The following ELMO1 variants were observed in gnomAD, a reference collection of about 807,000 sequenced individuals.
The protein encoded by ELMO1 is engulfment and cell motility protein 1.
In ELMO1, 26 loss-of-function variants were observed where a neutral mutation model predicts 98.9. That is an observed-to-expected ratio of 0.26 (90% CI 0.19 to 0.36). The LOEUF (loss-of-function observed/expected upper bound fraction) is 0.36, where lower values mean the gene tolerates loss of function less well. Ranked by LOEUF, ELMO1 falls within the 10% of genes least tolerant of loss-of-function variation. The probability of loss-of-function intolerance (pLI) is 1.00; values close to 1 mark genes in which losing one functional copy is unlikely to be tolerated. For missense variants in ELMO1, 627 were observed against 935.2 expected (o/e 0.67, Z 4.30); for synonymous variants, 346 against 346.0 (o/e 1.00, Z 0.00).
At chr7:37,049,777 CTTT>C (rs34896674) in intron 15 of ELMO1, among the ~76,000 whole-genome samples, 8 of 131,044 alleles carry the variant, frequency 6.1e-5, no homozygotes, top group African/African-American at 8.4e-5. Context: ...TGTTTTGTTT[CTTT>C]TTTTTTTTTT....
intron 2 of ELMO1, among the ~76,000 whole-genome samples, chr7:37,318,657 A>C (rs1799329809): frequency 6.6e-6 from 1 of 152,234 alleles, no homozygotes; most frequent in Non-Finnish European, 1.5e-5. Flanking sequence ...ACAAAGATGA[A>C]AGAAAAACTA....
intron 1 of ELMO1, among the ~76,000 whole-genome samples, chr7:37,418,673 G>T (rs371590409): frequency 1.3e-4 from 20 of 152,294 alleles, no homozygotes; most frequent in African/African-American, 4.8e-4. Flanking sequence ...TCGGTCAGAT[G>T]CTGACCTGCA....
At chr7:37,249,032 T>A (rs141587867) in intron 6 of ELMO1, among the ~76,000 whole-genome samples, 1 of 152,290 alleles carries the variant, frequency 6.6e-6, no homozygotes, top group East Asian at 1.9e-4. Context: ...GTGTGAGGAG[T>A]ATGGTTCAGC....
intron 4 of ELMO1, among the ~76,000 whole-genome samples, chr7:37,292,476 T>C (rs80252205): frequency 0.69 from 26,229 of 38,250 alleles, 10,919 homozygotes; most frequent in Non-Finnish European, 0.96. Context: ...CGTCTCTGCC[T>C]GGCCGCCATC....
rs751378609 is a variant in ELMO1 at position 37,233,096 on chromosome 7, T to C, written c.548A>G (p.Lys183Arg). The C allele has an allele frequency of 4.3e-6, 7 of 1,612,884 alleles. No individual in the cohort carries two copies. The highest frequency in any genetic ancestry group is 5.9e-6 in the Non-Finnish European group (7 of 1,179,548). The change falls in exon 8 of 22, where the codon AAG becomes AGG. Residue 183 changes from lysine to arginine, a missense_variant and splice_region_variant. Lys to Arg is a conservative substitution (Grantham distance 26, BLOSUM62 2). Coordinates refer to ENST00000310758, the MANE Select transcript of ELMO1 (RefSeq NM_014800.11). ...CTAAAGAGGCAGAGTCCACCTTACC[T>C]TCTTAATGAACGCCACCGAAAATGT... ...WDTFSVAFIK[K>R]IASFVNKSAI...
At chr7:37,432,973 G>C (rs980706911) in intron 1 of ELMO1, among the ~76,000 whole-genome samples, 1 of 152,198 alleles carries the variant, frequency 6.6e-6, no homozygotes, top group Non-Finnish European at 1.5e-5. Context: ...CTTCTGTAAT[G>C]TTCGTTATAT....
intron 4 of ELMO1, among the ~76,000 whole-genome samples, chr7:37,284,085 G>A (rs936041483): frequency 6.6e-6 from 1 of 152,136 alleles, no homozygotes; most frequent in African/African-American, 2.4e-5. Context: ...GGAGGACAAT[G>A]AGGAGTTAGG....
At chr7:37,154,114 C>A (rs964164227) in intron 13 of ELMO1, among the ~76,000 whole-genome samples, 3 of 152,168 alleles carry the variant, frequency 2.0e-5, no homozygotes, top group Non-Finnish European at 4.4e-5. Context: ...GGAATAGCAT[C>A]AACATCAACA....
intron 16 of ELMO1, among the ~76,000 whole-genome samples, chr7:36,980,792 G>A (rs1790983839): frequency 6.6e-6 from 1 of 152,150 alleles, no homozygotes; most frequent in South Asian, 2.1e-4. Context: ...ATGACTGAGA[G>A]TATTAGGCCT....
chr7:37,071,965 C>G (rs1797296183), intron 15 of ELMO1, among the ~76,000 whole-genome samples: 1 of 152,114 alleles, frequency 6.6e-6, no homozygotes, highest in African/African-American at 2.4e-5. Context: ...TTCAGGAGAG[C>G]TCTTCAGCTG....
At chr7:37,410,799 G>GA (rs958957022) in intron 1 of ELMO1, among the ~76,000 whole-genome samples, 26 of 152,274 alleles carry the variant, frequency 1.7e-4, no homozygotes, top group Admixed American at 5.9e-4. Context: ...TCCTGTTGGA[G>GA]AAAAAAACTG....
At position 37,342,746 on chromosome 7, in the gene ELMO1, G is replaced by T; in HGVS notation, c.-56C>A. ...GGAATGAGGATCCTACAGCGTAAAC[G>T]GCCACACGTGTCTATACCTAATGAG... is the stretch of plus-strand genomic sequence containing the variant. On this transcript the variant is annotated 5_prime_UTR_variant, in exon 2 of 22. Transcript: ENST00000310758. This position sits in a 1 kb window ranked among gnomAD's most constrained non-coding sequence, Gnocchi z 4.3. 6.8e-7 allele frequency: 1 copy of T among 1,464,698 alleles called. No homozygotes were observed. The highest frequency in any genetic ancestry group is 9.4e-7 in the Non-Finnish European group (1 of 1,066,426). The allele number at this position is 1,464,698 out of a possible 1,614,324, so 90.7% of individuals were successfully genotyped here. A position where few individuals can be genotyped will look rare whatever the true frequency, so the allele number is the denominator to read the frequency against.
chr7:37,051,227 G>A (rs936493654), intron 15 of ELMO1, among the ~76,000 whole-genome samples: 1 of 152,202 alleles, frequency 6.6e-6, no homozygotes, highest in African/African-American at 2.4e-5. Context: ...GGCCTCTTAT[G>A]CATGTTGGGT....
chr7:36,965,820 A>G (rs978433214), intron 16 of ELMO1, among the ~76,000 whole-genome samples: 1 of 152,200 alleles, frequency 6.6e-6, no homozygotes, highest in South Asian at 2.1e-4. Context: ...GCTTGGAAGC[A>G]TCACATCCGC....
At chr7:37,142,904 T>G (rs188587212) in intron 13 of ELMO1, among the ~76,000 whole-genome samples, 573 of 152,318 alleles carry the variant, frequency 3.8e-3, no homozygotes, top group Middle Eastern at 6.8e-3. Flanking sequence ...GAAGATCCCA[T>G]GGCTCAAGAG....
chr7:37,348,556 G>A (rs1187332581), intron 1 of ELMO1, among the ~76,000 whole-genome samples: 1 of 152,144 alleles, frequency 6.6e-6, no homozygotes, highest in African/African-American at 2.4e-5. Context: ...ATTAAATAAA[G>A]AGGAATCACT....
chr7:37,406,433 A>AT (rs36052735), intron 1 of ELMO1, among the ~76,000 whole-genome samples: 34,786 of 148,354 alleles, frequency 0.23, 4,139 homozygotes, highest in East Asian at 0.41. Context: ...AAGTAAGAAA[A>AT]TTTTTTTTTT....
chr7:37,163,745 C>T (rs1236882235), intron 13 of ELMO1, among the ~76,000 whole-genome samples: 2 of 152,258 alleles, frequency 1.3e-5, no homozygotes, highest in African/African-American at 4.8e-5. Context: ...CATTGTTGGA[C>T]ATTTGGGTTG....
At chr7:37,116,320 G>C (rs927981721) in intron 14 of ELMO1, among the ~76,000 whole-genome samples, 2 of 152,174 alleles carry the variant, frequency 1.3e-5, no homozygotes, top group Non-Finnish European at 2.9e-5. Flanking sequence ...CAGAAAGAAA[G>C]AGGGCTTGTC....
Sources: allele counts gnomAD v4.1 joint callset (sites outside exome capture counted in the v4.1 genomes callset), GRCh38; gene constraint gnomAD v4.1.1; non-coding constraint Gnocchi (gnomAD v3.1); transcripts MANE v1.5; gene names NCBI Gene and HGNC (gene_info 2026-07-23, HGNC 2026-07-21).